The following QPCT variants were observed in gnomAD, a reference collection of about 807,000 sequenced individuals.
QPCT encodes glutaminyl-peptide cyclotransferase.
Under a neutral mutation model 43.4 loss-of-function variants are expected in QPCT, and 44 were observed. The observed-to-expected ratio is 1.01, with a 90% CI of 0.80 to 1.30. The LOEUF (loss-of-function observed/expected upper bound fraction) is 1.30, where lower values mean the gene tolerates loss of function less well. Ranked by LOEUF, QPCT falls within the 50% of genes most tolerant of loss-of-function variation. QPCT has a pLI of 0.00. For missense variants in QPCT, 526 were observed against 436.5 expected (o/e 1.21, Z -1.83); for synonymous variants, 168 against 168.4 (o/e 1.00, Z 0.02).
chr2:37,363,624 C>A (rs1202247368), intron 3 of QPCT, among the ~76,000 whole-genome samples: 1 of 147,348 alleles, frequency 6.8e-6, no homozygotes, highest in Non-Finnish European at 1.5e-5. Flanking sequence ...GAGTGAGACC[C>A]TGTCTCTTAA....
chr2:37,348,061 C>T (rs1266760982), intron 1 of QPCT, among the ~76,000 whole-genome samples: 2 of 111,002 alleles, frequency 1.8e-5, no homozygotes, highest in South Asian at 7.0e-4. Flanking sequence ...TGCGCGCGCA[C>T]GCGTGTGTGT....
At chr2:37,369,145 TC>T (rs1243808315) in intron 4 of QPCT, among the ~76,000 whole-genome samples, 1 of 152,198 alleles carries the variant, frequency 6.6e-6, no homozygotes, top group Non-Finnish European at 1.5e-5. Flanking sequence ...ACTTTAGAGA[TC>T]AGCTAGTTTG....
intron 4 of QPCT, among the ~76,000 whole-genome samples, chr2:37,368,826 G>C (rs577424631): frequency 3.9e-5 from 6 of 152,298 alleles, no homozygotes; most frequent in African/African-American, 1.4e-4. Flanking sequence ...AAATAAATTT[G>C]TTGAATGAAG....
chr2:37,344,635 AC>A lies in QPCT; in HGVS notation c.-94del, dbSNP rs1672438054. ...GGCGATGGGAAGGCGGGCGCAGTCG[AC>A]CCAAGGGTGGAGAAGAGGGAAGGCG... is the stretch of plus-strand genomic sequence containing the variant. On this transcript the variant is annotated 5_prime_UTR_variant, in exon 1 of 7. Transcript: ENST00000338415. 1.3e-6 allele frequency: 2 copies of A among 1,492,896 alleles called. No individual in the cohort carries two copies. Among genetic ancestry groups the A allele is most frequent in the African/African-American group, 2.8e-5 (2 of 71,010 alleles). The allele number at this position is 1,492,896 out of a possible 1,614,324, so 92.5% of individuals were successfully genotyped here. A position where few individuals can be genotyped will look rare whatever the true frequency, so the allele number is the denominator to read the frequency against.
At chr2:37,366,875 C>T (rs11897920) in intron 3 of QPCT, among the ~76,000 whole-genome samples, 6,997 of 152,224 alleles carry the variant, frequency 0.046, 522 homozygotes, top group African/African-American at 0.16. Context: ...AAGTGACTGA[C>T]GGCTCTTCCA....
At chr2:37,369,958 C>A (rs115069680) in intron 5 of QPCT, among the ~76,000 whole-genome samples, 174 bp downstream of exon 5, 2,376 of 152,202 alleles carry the variant, frequency 0.016, 62 homozygotes, top group African/African-American at 0.054. Flanking sequence ...TTGAGACCAG[C>A]CTGGCCAACA....
At chr2:37,366,948 G>A (rs773464269) in intron 3 of QPCT, among the ~76,000 whole-genome samples, 5 of 152,188 alleles carry the variant, frequency 3.3e-5, no homozygotes, top group Non-Finnish European at 5.9e-5. Context: ...ATTCATCACA[G>A]CACTTTCATT....
At chr2:37,366,277 T>G (rs984772472) in intron 3 of QPCT, among the ~76,000 whole-genome samples, 2 of 152,202 alleles carry the variant, frequency 1.3e-5, no homozygotes, top group Non-Finnish European at 2.9e-5. Flanking sequence ...TCCTAGTCAC[T>G]CTTTTTAGTT....
At position 37,369,546 on chromosome 2, in the gene QPCT, T is replaced by C. The variant is rs1215895103; in HGVS notation, c.724-139T>C. The C allele has an allele frequency of 7.6e-6, 5 of 654,332 alleles. No individual in the cohort carries two copies. In the Admixed American group the frequency reaches 1.1e-4, roughly 14 times the overall value. The allele number at this position is 654,332 out of a possible 1,614,324, so 40.5% of individuals were successfully genotyped here. A position where few individuals can be genotyped will look rare whatever the true frequency, so the allele number is the denominator to read the frequency against. On this transcript the variant is annotated intron_variant, in intron 4 of 6. Coordinates refer to ENST00000338415, the MANE Select transcript of QPCT (RefSeq NM_012413.4). Reference sequence around the variant, plus strand: ...ATAATTAGCATAAAATGTTAGTAAATCTTTGGTTCATTCATATAGCTTGCC... The same window carrying C: ...ATAATTAGCATAAAATGTTAGTAAACCTTTGGTTCATTCATATAGCTTGCC...
chr2:37,359,736 G>A lies in QPCT; in HGVS notation c.424G>A (p.Asp142Asn), dbSNP rs770287687. ...KRHLVLACHY[D>N]SKYFSHWNNR... ...ACATTTGGTCCTCGCCTGCCACTAT[G>A]ACTCCAAGTATTTTTCCCACTGGAA... The change falls in exon 3 of 7, where the codon GAC becomes AAC. Residue 142 changes from aspartate to asparagine, a missense_variant. By Grantham distance (23) the Asp-to-Asn change is conservative (BLOSUM62 1). Transcript: ENST00000338415. The A allele has an allele frequency of 6.2e-7, 1 of 1,614,112 alleles. No homozygotes were observed. Among genetic ancestry groups the A allele is most frequent in the Non-Finnish European group, 8.5e-7 (1 of 1,180,012 alleles).
In QPCT at chr2:37,369,872, C is replaced by T. The variant is rs1036780059; in HGVS notation, c.823+88C>T. The T allele has an allele frequency of 3.9e-6, 5 of 1,283,590 alleles. No individual in the cohort carries two copies. In the Admixed American group the frequency reaches 8.9e-5, roughly 23 times the overall value. The allele number at this position is 1,283,590 out of a possible 1,614,324, so 79.5% of individuals were successfully genotyped here. A position where few individuals can be genotyped will look rare whatever the true frequency, so the allele number is the denominator to read the frequency against. Reference sequence around the variant, plus strand: ...TTAACATTTAAAATTTATAATTTGGCTGGGCGCAGTGGCTCACACCTGTAA... The same window carrying T: ...TTAACATTTAAAATTTATAATTTGGTTGGGCGCAGTGGCTCACACCTGTAA... On this transcript the variant is annotated intron_variant, in intron 5 of 6. Coordinates refer to ENST00000338415, the MANE Select transcript of QPCT (RefSeq NM_012413.4).
intron 3 of QPCT, among the ~76,000 whole-genome samples, chr2:37,363,734 A>G (rs978423208): frequency 6.6e-6 from 1 of 151,936 alleles, no homozygotes; most frequent in Non-Finnish European, 1.5e-5. Context: ...GAAATAGAGC[A>G]GAAAATGACT....
chr2:37,355,434 A>G (rs2124934713), intron 2 of QPCT, among the ~76,000 whole-genome samples: 1 of 152,020 alleles, frequency 6.6e-6, no homozygotes, highest in East Asian at 1.9e-4. Context: ...ACTAGATGAG[A>G]TGTTTTATAA....
At chr2:37,369,142 A>C (rs935625640) in intron 4 of QPCT, among the ~76,000 whole-genome samples, 5 of 152,212 alleles carry the variant, frequency 3.3e-5, no homozygotes, top group Non-Finnish European at 7.3e-5. Context: ...GAAACTTTAG[A>C]GATCAGCTAG....
intron 1 of QPCT, among the ~76,000 whole-genome samples, chr2:37,348,992 T>C (rs1251619495): frequency 6.6e-6 from 1 of 152,220 alleles, no homozygotes; most frequent in East Asian, 1.9e-4. Context: ...CCTAAATTTG[T>C]ATATCTATTG....
chr2:37,367,253 G>C lies in QPCT; in HGVS notation c.568G>C (p.Asp190His). Residue 190 changes from aspartate to histidine, a missense_variant, in exon 4 of 7, where the codon GAT (aspartate) becomes CAT (histidine). Asp to His is a moderately conservative substitution (Grantham distance 81). Transcript: ENST00000338415. ...SLKTVSDSKPDLSLQLIFFDG... is the reference protein window; with the variant it reads ...SLKTVSDSKPHLSLQLIFFDG... ...CCAGACTGTTTCAGACTCCAAGCCA[G>C]ATTTGTCACTCCAGCTGATCTTCTT... The C allele has an allele frequency of 3.7e-6, 6 of 1,613,810 alleles. No homozygotes were observed. The highest frequency in any genetic ancestry group is 4.2e-6 in the Non-Finnish European group (5 of 1,179,878).
intron 2 of QPCT, among the ~76,000 whole-genome samples, chr2:37,353,550 T>C (rs1232568074): frequency 6.6e-6 from 1 of 152,226 alleles, no homozygotes; most frequent in African/African-American, 2.4e-5. Flanking sequence ...TTCTATTTTA[T>C]TGGTTCTTAA....
rs1418609236 is a variant in QPCT, at chr2:37,368,758, T to TA, written c.724-927_724-926insA. On this transcript the variant is annotated intron_variant, in intron 4 of 6. Coordinates refer to ENST00000338415, the MANE Select transcript of QPCT (RefSeq NM_012413.4). ...CTGGTTGATCAGCAGTAGAACAAAGTTATTTATTTATCAGTCCAAATATAT... is the reference window on the plus strand; with the variant it reads ...CTGGTTGATCAGCAGTAGAACAAAGTATATTTATTTATCAGTCCAAATATAT... 219 of 464,368 alleles carry TA rather than the reference T, an allele frequency of 4.7e-4. 1 individual carries two copies. The highest frequency in any genetic ancestry group is 2.7e-3 in the South Asian group (175 of 63,704). The allele number at this position is 464,368 out of a possible 1,614,324, so 28.8% of individuals were successfully genotyped here. A position where few individuals can be genotyped will look rare whatever the true frequency, so the allele number is the denominator to read the frequency against.
chr2:37,349,688 A>G (rs755271028), intron 1 of QPCT, among the ~76,000 whole-genome samples: 1 of 152,180 alleles, frequency 6.6e-6, no homozygotes. Flanking sequence ...CGTCAGAAGC[A>G]TCGAATGTCA....
Sources: gnomAD v4.1 joint callset for allele counts (sites outside exome capture counted in the v4.1 genomes callset) on GRCh38, gnomAD v4.1.1 for gene constraint, MANE v1.5 for transcripts, NCBI Gene and HGNC (gene_info 2026-07-23, HGNC 2026-07-21) for gene names.